Variants in COL19A1 observed in about 807,000 individuals in gnomAD.
The protein encoded by COL19A1 is collagen alpha-1(XIX) chain.
Under a neutral mutation model 190.2 loss-of-function variants are expected in COL19A1, and 159 were observed. That is an observed-to-expected ratio of 0.84 (90% confidence interval 0.73 to 0.95). The LOEUF is 0.95. Ranked by LOEUF, COL19A1 falls within the 40% of genes least tolerant of loss-of-function variation. COL19A1 has a pLI of 0.00. For synonymous variants in COL19A1, 509 were observed against 458.9 expected, an observed-to-expected ratio of 1.11 and a Z score of -1.39; for missense variants, 1,418 against 1,431.9, an observed-to-expected ratio of 0.99 and a Z score of 0.16.
chr6:70,204,458 C>T (rs989155585), intron 49 of COL19A1, among the ~76,000 whole-genome samples: 2 of 152,186 alleles, frequency 1.3e-5, no homozygotes, highest in African/African-American at 4.8e-5. Flanking sequence ...CTATTAATAA[C>T]AGGTAATTAT....
intron 34 of COL19A1, 111 bp from the exon 35 acceptor site, chr6:70,161,789 C>A: frequency 1.6e-6 from 1 of 635,296 alleles, no homozygotes. Context: ...CATTATGTTT[C>A]TCGATTAGCT....
chr6:69,920,184 T>C (rs1771599448), intron 4 of COL19A1, among the ~76,000 whole-genome samples: 1 of 152,208 alleles, frequency 6.6e-6, no homozygotes, highest in Non-Finnish European at 1.5e-5. Flanking sequence ...ATTTTAATGT[T>C]AAGATTTTTA....
intron 16 of COL19A1, among the ~76,000 whole-genome samples, chr6:70,119,347 G>A (rs1328996434): frequency 2.0e-5 from 3 of 152,184 alleles, no homozygotes; most frequent in Non-Finnish European, 4.4e-5. Context: ...CAACTACACG[G>A]TATGACTACA....
intron 42 of COL19A1, among the ~76,000 whole-genome samples, chr6:70,180,100 A>G (rs1167528483): frequency 6.6e-6 from 1 of 152,010 alleles, no homozygotes; most frequent in Non-Finnish European, 1.5e-5. Context: ...TGGCCAGGCT[A>G]GTCTTGAACT....
intron 44 of COL19A1, among the ~76,000 whole-genome samples, chr6:70,182,719 A>G (rs1453343484): frequency 6.6e-6 from 1 of 152,234 alleles, no homozygotes. Context: ...ATGAGGGGTA[A>G]TAATTCTCTA....
chr6:70,030,890 T>TGGAAAG (rs1779025427), intron 12 of COL19A1, among the ~76,000 whole-genome samples: 1 of 152,196 alleles, frequency 6.6e-6, no homozygotes, highest in African/African-American at 2.4e-5. Flanking sequence ...CCAGCCATCC[T>TGGAAAG]GCTCTCTTTC....
chr6:70,168,729 T>C (rs1265229059), intron 40 of COL19A1, 48 bp downstream of exon 40: 1 of 1,603,438 alleles, frequency 6.2e-7, no homozygotes, highest in Non-Finnish European at 8.5e-7. Flanking sequence ...TGGTCTTTGT[T>C]AAATTTTGAA....
intron 16 of COL19A1, among the ~76,000 whole-genome samples, chr6:70,106,332 G>A (rs202126999): frequency 0.19 from 27,777 of 142,454 alleles, 2,635 homozygotes; most frequent in Non-Finnish European, 0.22. Flanking sequence ...GTGTGTGCGT[G>A]TGTGTGTGTG....
At chr6:70,115,904 GA>G (rs551523411) in intron 16 of COL19A1, among the ~76,000 whole-genome samples, 2 of 139,730 alleles carry the variant, frequency 1.4e-5, no homozygotes, top group Non-Finnish European at 1.5e-5. Context: ...AGCATTCTCA[GA>G]AAAAAAATCC....
At position 70,152,130 on chromosome 6, in the gene COL19A1, T is replaced by C. The variant is rs570224925; in HGVS notation, c.2079+692T>C. Among the ~76,000 whole-genome samples the C allele has an allele frequency of 2.6e-5, 4 of 152,144 alleles. No homozygotes were observed. The South Asian group carries it at 8.3e-4, about 32-fold the overall frequency. On this transcript the variant is annotated intron_variant, in intron 31 of 50. Transcript: ENST00000620364. ...TGTATTTGCATGTTTCTGCCTGATATGCTAAGATTGAGTGAGGCCACATGA... is the reference window on the plus strand; with the variant it reads ...TGTATTTGCATGTTTCTGCCTGATACGCTAAGATTGAGTGAGGCCACATGA...
At chr6:69,912,566 C>T (rs1008153315) in intron 4 of COL19A1, among the ~76,000 whole-genome samples, 6 of 152,184 alleles carry the variant, frequency 3.9e-5, no homozygotes, top group Admixed American at 2.0e-4. Flanking sequence ...CAACCAACCT[C>T]TGCTCATGGC....
At chr6:69,925,747 C>T (rs957883557) in intron 4 of COL19A1, among the ~76,000 whole-genome samples, 1 of 151,972 alleles carries the variant, frequency 6.6e-6, no homozygotes, top group Non-Finnish European at 1.5e-5. Context: ...TTGTTTGTAT[C>T]CTCTTTTATT....
At chr6:70,168,731 A>C (rs772343602) in intron 40 of COL19A1, 50 bp downstream of exon 40, 28 of 1,601,838 alleles carry the variant, frequency 1.7e-5, no homozygotes, top group Non-Finnish European at 2.3e-5. Flanking sequence ...GTCTTTGTTA[A>C]ATTTTGAAAG....
At chr6:70,041,931 G>C (rs544817181) in intron 14 of COL19A1, among the ~76,000 whole-genome samples, 1 of 152,116 alleles carries the variant, frequency 6.6e-6, no homozygotes, top group South Asian at 2.1e-4. Context: ...AGCCGGATTT[G>C]GTGATGGATG....
Position 70,207,397 on chromosome 6 carries a change from C to G in COL19A1, c.*123C>G. 1.0e-6 allele frequency: 1 copy of G among 976,092 alleles called. No individual in the cohort carries two copies. Among genetic ancestry groups the G allele is most frequent in the Admixed American group, 3.1e-5 (1 of 31,904 alleles). 60.5% of individuals were successfully genotyped at this position (976,092 alleles called of 1,614,324 possible). On this transcript the variant is annotated 3_prime_UTR_variant, in exon 51 of 51. Coordinates refer to ENST00000620364, the MANE Select transcript of COL19A1 (RefSeq NM_001858.6). ...TTTTTTTTTTTTTTTTGGGAGTAAG[C>G]CAGGCATTAAAAGCAACCGTTTGAA... is the stretch of plus-strand genomic sequence containing the variant.
intron 11 of COL19A1, among the ~76,000 whole-genome samples, chr6:70,009,886 T>G (rs9364070): frequency 0.11 from 16,000 of 143,588 alleles, 991 homozygotes; most frequent in East Asian, 0.29. Flanking sequence ...TTTGCATGTT[T>G]AAGAAAAAGA....
chr6:69,883,052 T>C (rs1768668980), intron 2 of COL19A1, among the ~76,000 whole-genome samples: 1 of 152,178 alleles, frequency 6.6e-6, no homozygotes, highest in Non-Finnish European at 1.5e-5. Context: ...TTTGGAAGAA[T>C]TGGACATTTA....
intron 36 of COL19A1, among the ~76,000 whole-genome samples, chr6:70,163,636 G>A (rs1038819784): frequency 6.6e-6 from 1 of 152,196 alleles, no homozygotes; most frequent in Admixed American, 6.5e-5. Context: ...CAAAAGTTCA[G>A]GCTGGATTCA....
intron 49 of COL19A1, among the ~76,000 whole-genome samples, chr6:70,202,470 A>G (rs1449764411): frequency 6.6e-6 from 1 of 152,232 alleles, no homozygotes; most frequent in South Asian, 2.1e-4. Context: ...GACGATATAT[A>G]TCATCTTAAA....
Sources: allele counts gnomAD v4.1 joint callset (sites outside exome capture counted in the v4.1 genomes callset), GRCh38; gene constraint gnomAD v4.1.1; transcripts MANE v1.5; gene names NCBI Gene and HGNC (gene_info 2026-07-23, HGNC 2026-07-21).